Variants in CPXM2 observed in about 807,000 individuals in gnomAD.
CPXM2 encodes inactive carboxypeptidase-like protein X2.
In CPXM2, 66 loss-of-function variants were observed where a neutral mutation model predicts 86.1. That is an observed-to-expected ratio of 0.77 (90% CI 0.63 to 0.94). The LOEUF is 0.94. Among genes scored for constraint, CPXM2 ranks in the 40% least tolerant of loss-of-function variants. The pLI is 0.00. For missense variants in CPXM2, 948 were observed against 1,026.3 expected, an observed-to-expected ratio of 0.92 and a Z score of 1.04; for synonymous variants, 388 against 400.2, an observed-to-expected ratio of 0.97 and a Z score of 0.36.
At chr10:123,909,216 C>G (rs897546744) in intron 2 of CPXM2, among the ~76,000 whole-genome samples, 1 of 152,140 alleles carries the variant, frequency 6.6e-6, no homozygotes, top group African/African-American at 2.4e-5. Flanking sequence ...TGAGGTTCAG[C>G]GTCCAGGAAA....
chr10:123,887,705 A>AAC (rs146619631), intron 1 of CPXM2, among the ~76,000 whole-genome samples: 116 of 151,338 alleles, frequency 7.7e-4, no homozygotes, highest in African/African-American at 2.4e-3. Context: ...ACGTACACAC[A>AAC]ACACACACAC....
intron 3 of CPXM2, among the ~76,000 whole-genome samples, chr10:123,859,546 A>G (rs1848809529): frequency 6.6e-6 from 1 of 152,212 alleles, no homozygotes; most frequent in South Asian, 2.1e-4. Context: ...TCTGGGGTTG[A>G]CACCAGGTAC....
At chr10:123,876,420 A>G (rs1944988373) in intron 2 of CPXM2, among the ~76,000 whole-genome samples, 1 of 152,192 alleles carries the variant, frequency 6.6e-6, no homozygotes, top group African/African-American at 2.4e-5. Context: ...TGATATGAGA[A>G]AGGAGGGAAC....
intron 2 of CPXM2, among the ~76,000 whole-genome samples, chr10:123,920,466 C>A (rs890510934): frequency 2.6e-5 from 4 of 152,072 alleles, no homozygotes; most frequent in African/African-American, 9.7e-5. Context: ...TTTAAAAAAT[C>A]ATGATACAAA....
chr10:123,753,505 C>G (rs745632898), intron 13 of CPXM2, among the ~76,000 whole-genome samples: 1 of 152,158 alleles, frequency 6.6e-6, no homozygotes, highest in African/African-American at 2.4e-5. Flanking sequence ...GGGTCACTGC[C>G]CTCCTTGAGC....
intron 2 of CPXM2, among the ~76,000 whole-genome samples, chr10:123,930,797 C>T (rs1036071643): frequency 3.3e-5 from 5 of 152,196 alleles, no homozygotes; most frequent in Non-Finnish European, 7.4e-5. Flanking sequence ...GATGGCGTTT[C>T]CTGACATTCA....
chr10:123,913,201 C>G (rs528274482), intron 2 of CPXM2, among the ~76,000 whole-genome samples: 3 of 152,274 alleles, frequency 2.0e-5, no homozygotes, highest in African/African-American at 7.2e-5. Context: ...GTATTTTGAG[C>G]TAAACATGAC....
intron 3 of CPXM2, among the ~76,000 whole-genome samples, chr10:123,849,422 T>C (rs920226538): frequency 8.6e-5 from 13 of 151,232 alleles, no homozygotes; most frequent in Admixed American, 7.9e-4. Context: ...ATTTATTATA[T>C]TCTTAACGTT....
chr10:123,825,092 A>C (rs911986367), intron 4 of CPXM2, among the ~76,000 whole-genome samples: 13 of 152,200 alleles, frequency 8.5e-5, no homozygotes, highest in African/African-American at 3.1e-4. Context: ...TGAGGGGAAA[A>C]CATTTACCTT....
intron 13 of CPXM2, among the ~76,000 whole-genome samples, chr10:123,749,580 C>G (rs1433134612): frequency 6.6e-6 from 1 of 152,180 alleles, no homozygotes; most frequent in East Asian, 1.9e-4. Context: ...GCCCGAGCCT[C>G]TGGGGTCCCA....
intron 6 of CPXM2, among the ~76,000 whole-genome samples, chr10:123,789,652 T>C (rs963215143): frequency 2.6e-5 from 4 of 152,186 alleles, no homozygotes; most frequent in Admixed American, 6.5e-5. Flanking sequence ...CAAGGCAATT[T>C]TCCTTCTATA....
chr10:123,912,729 G>A (rs1403476354), intron 2 of CPXM2, among the ~76,000 whole-genome samples: 1 of 152,134 alleles, frequency 6.6e-6, no homozygotes, highest in African/African-American at 2.4e-5. Context: ...CCCGGGCTCT[G>A]ATCAATCACC....
intron 7 of CPXM2, among the ~76,000 whole-genome samples, chr10:123,778,770 C>G (rs1184008497): frequency 6.6e-6 from 1 of 152,168 alleles, no homozygotes; most frequent in African/African-American, 2.4e-5. Context: ...AGTTAACACA[C>G]CAGTGCTCCA....
chr10:123,788,891 A>AAG (rs1847136668), intron 6 of CPXM2, among the ~76,000 whole-genome samples: 1 of 151,200 alleles, frequency 6.6e-6, no homozygotes, highest in African/African-American at 2.4e-5. Flanking sequence ...AAAAAAAAAA[A>AAG]AAAGAAAGGA....
chr10:123,801,694 TA>T (rs1398735939), intron 4 of CPXM2, among the ~76,000 whole-genome samples: 3 of 152,204 alleles, frequency 2.0e-5, no homozygotes, highest in Non-Finnish European at 4.4e-5. Flanking sequence ...TGTGCTATCT[TA>T]GTATTAACAA....
intron 4 of CPXM2, among the ~76,000 whole-genome samples, chr10:123,813,762 G>A (rs1008307273): frequency 2.6e-5 from 4 of 152,230 alleles, no homozygotes; most frequent in Admixed American, 6.5e-5. Context: ...TTTGGAAGAT[G>A]TGCCATACAT....
At chr10:123,914,076 A>T (rs764476424) in intron 2 of CPXM2, 6 of 482,462 alleles carry the variant, frequency 1.2e-5, no homozygotes, top group Non-Finnish European at 2.5e-5. Flanking sequence ...CCTCTTTGGC[A>T]TGGAGCATGC....
intron 7 of CPXM2, among the ~76,000 whole-genome samples, chr10:123,778,873 T>C (rs1008452611): frequency 7.9e-5 from 12 of 152,192 alleles, no homozygotes; most frequent in Non-Finnish European, 1.8e-4. Flanking sequence ...CACATTCTCT[T>C]GATTTCTGAA....
Position 123,880,209 on chromosome 10 carries a change from ACTCT to A in CPXM2, c.401_403+1del, listed in dbSNP as rs754289874. On this transcript the variant is annotated splice_donor_variant and coding_sequence_variant, in exon 2 of 14. Transcript: ENST00000241305. LOFTEE classifies it high-confidence loss of function. ...TAGGGGCTCTCCGAGAGCCTCACTT[ACTCT>A]CTCTGACATCTTCACGGGCCACACG... 10 of 1,366,478 alleles carry A rather than the reference ACTCT, an allele frequency of 7.3e-6. No individual in the cohort carries two copies. Among genetic ancestry groups the A allele is most frequent in the Non-Finnish European group, 1.0e-5 (10 of 987,694 alleles). 84.6% of individuals were successfully genotyped at this position (1,366,478 alleles called of 1,614,324 possible). A position where few individuals can be genotyped will look rare whatever the true frequency, so the allele number is the denominator to read the frequency against.
Sources: allele counts gnomAD v4.1 joint callset (sites outside exome capture counted in the v4.1 genomes callset), GRCh38; gene constraint gnomAD v4.1.1; transcripts MANE v1.5; gene names NCBI Gene and HGNC (gene_info 2026-07-23, HGNC 2026-07-21).